Variants in TJP2 observed in about 807,000 individuals in gnomAD.
TJP2 encodes Friedreich ataxia region gene X104 (tight junction protein ZO-2).
TJP2 carries 91 observed loss-of-function variants against 133.1 expected under a neutral mutation model. The observed-to-expected ratio is 0.68, with a 90% CI of 0.58 to 0.81. TJP2 has a LOEUF of 0.81. Ranked by LOEUF, TJP2 falls within the 40% of genes least tolerant of loss-of-function variation. The probability of loss-of-function intolerance (pLI) is 0.00; values close to 1 mark genes in which losing one functional copy is unlikely to be tolerated. For synonymous variants in TJP2, 592 were observed against 583.4 expected, an observed-to-expected ratio of 1.01 and a Z score of -0.21; for missense variants, 1,541 against 1,565.6, an observed-to-expected ratio of 0.98 and a Z score of 0.26.
chr9:69,176,729 A>T (rs1433204863), intron 1 of TJP2, among the ~76,000 whole-genome samples: 1 of 152,228 alleles, frequency 6.6e-6, no homozygotes, highest in Non-Finnish European at 1.5e-5. Flanking sequence ...AAAAGTTCAC[A>T]GCCAACCATT....
Position 69,221,510 on chromosome 9 carries a change from A to C in TJP2, c.952+14A>C. ...GAGCGAACGAAGGTAGGCATGCTTG[A>C]TGTGGGAAGAAAAGCACTGTTGTGA... is the stretch of plus-strand genomic sequence containing the variant. On this transcript the variant is annotated intron_variant, in intron 5 of 22. Coordinates refer to ENST00000377245, the MANE Select transcript of TJP2 (RefSeq NM_004817.4). The C allele has an allele frequency of 2.5e-6, 4 of 1,599,316 alleles. No homozygotes were observed. The highest frequency in any genetic ancestry group is 3.4e-6 in the Non-Finnish European group (4 of 1,172,494).
chr9:69,167,870 A>AG (rs1198036448), intron 2 of TJP2, among the ~76,000 whole-genome samples: 2 of 151,696 alleles, frequency 1.3e-5, no homozygotes, highest in African/African-American at 2.4e-5. Context: ...TCTGTCAAAA[A>AG]AAAAAAAAAA....
In TJP2 at chr9:69,237,022, C is replaced by T. The variant is rs779161706; in HGVS notation, c.2065C>T (p.Arg689Cys). 69 of 1,613,992 alleles carry T rather than the reference C, an allele frequency of 4.3e-5. No individual in the cohort carries two copies. The highest frequency in any genetic ancestry group is 5.2e-5 in the Non-Finnish European group (61 of 1,180,040). ...AGDRADFWRM[R>C]GQRSGVKKNL... is the part of the protein sequence containing the mutation. ...GGACCGGGCAGATTTCTGGAGAATGCGTGGCCAGAGGTCTGGGGTGAAGAA... is the reference window on the plus strand; with the variant it reads ...GGACCGGGCAGATTTCTGGAGAATGTGTGGCCAGAGGTCTGGGGTGAAGAA... The change falls in exon 14 of 23, where the codon CGT becomes TGT. Residue 689 changes from arginine to cysteine, a missense_variant. Coordinates refer to ENST00000377245, the MANE Select transcript of TJP2 (RefSeq NM_004817.4).
chr9:69,158,513 T>C (rs1823892583), intron 2 of TJP2, among the ~76,000 whole-genome samples: 1 of 152,108 alleles, frequency 6.6e-6, no homozygotes, highest in East Asian at 1.9e-4. Flanking sequence ...TCAGGTGTCC[T>C]ATGGGCTGCG....
chr9:69,167,415 C>T (rs1223956200), intron 2 of TJP2, among the ~76,000 whole-genome samples: 1 of 152,136 alleles, frequency 6.6e-6, no homozygotes, highest in Non-Finnish European at 1.5e-5. Context: ...TCTTGGTGCT[C>T]TTCTGAACTC....
intron 1 of TJP2, among the ~76,000 whole-genome samples, chr9:69,130,794 TAAGG>T (rs1007026085): frequency 6.6e-6 from 1 of 151,912 alleles, no homozygotes; most frequent in Non-Finnish European, 1.5e-5. Flanking sequence ...AGCTGAGAGA[TAAGG>T]AAGAAATGGA....
intron 17 of TJP2, among the ~76,000 whole-genome samples, chr9:69,242,611 T>C (rs914884338): frequency 6.6e-6 from 1 of 152,220 alleles, no homozygotes; most frequent in African/African-American, 2.4e-5. Context: ...GGATAGATGG[T>C]GCAGGGTGTG....
In TJP2 at chr9:69,129,939, C is replaced by T. The variant is rs1477383407; in HGVS notation, c.-131+8214C>T. Among the ~76,000 whole-genome samples, 5 of 149,142 alleles carry T rather than the reference C, an allele frequency of 3.4e-5. 1 individual carries two copies. The highest frequency in any genetic ancestry group is 4.9e-5 in the African/African-American group (2 of 40,428). On this transcript the variant is annotated intron_variant, in intron 1 of 5. Transcript: ENST00000423935. ...CTGAGGCAAGAAAATCGCCTGAACC[C>T]GGGAGGCGGAGGTTGCAGTGAGCCA... is the stretch of plus-strand genomic sequence containing the variant.
At chr9:69,202,183 C>T (rs1397660919) in intron 1 of TJP2, among the ~76,000 whole-genome samples, 4 of 152,178 alleles carry the variant, frequency 2.6e-5, no homozygotes, top group Non-Finnish European at 5.9e-5. Context: ...GAGGGCAGCT[C>T]TCTCCTTCCA....
chr9:69,221,199 C>A lies in TJP2; in HGVS notation c.655C>A (p.Arg219=), dbSNP rs750631073. ...HARTRDRSRG[R]SLERGLDHDF... ...GCGCACCCGAGACCGCAGCCGTGGC[C>A]GGAGCCTGGAGCGGGGCCTGGACCA... Residue 219 remains arginine, a synonymous_variant, in exon 5 of 23, where the codon CGG becomes AGG. Coordinates refer to ENST00000377245, the MANE Select transcript of TJP2 (RefSeq NM_004817.4). 3 of 1,602,820 alleles carry A rather than the reference C, an allele frequency of 1.9e-6. No individual in the cohort carries two copies. Among genetic ancestry groups the A allele is most frequent in the Non-Finnish European group, 1.7e-6 (2 of 1,174,866 alleles).
intron 1 of TJP2, among the ~76,000 whole-genome samples, chr9:69,133,847 A>G (rs1472001055): frequency 1.3e-5 from 2 of 152,078 alleles, no homozygotes; most frequent in East Asian, 3.9e-4. Flanking sequence ...CACCATGCCC[A>G]GCCTCATTTT....
chr9:69,253,318 C>G (rs568127072), intron 22 of TJP2: 2 of 198,604 alleles, frequency 1.0e-5, no homozygotes, highest in Admixed American at 1.1e-4. Flanking sequence ...CTAAAGGGAC[C>G]GTGACAAGCA....
intron 1 of TJP2, among the ~76,000 whole-genome samples, chr9:69,198,870 C>A (rs1192792656): frequency 6.6e-6 from 1 of 152,166 alleles, no homozygotes; most frequent in Non-Finnish European, 1.5e-5. Context: ...TTATTGCTAC[C>A]AAGAGGGGTT....
At chr9:69,183,684 G>T (rs1324817825) in intron 1 of TJP2, among the ~76,000 whole-genome samples, 1 of 152,082 alleles carries the variant, frequency 6.6e-6, no homozygotes, top group African/African-American at 2.4e-5. Flanking sequence ...CATTTCTCTT[G>T]TGTGAATTCC....
At chr9:69,186,094 A>T (rs959290118) in intron 1 of TJP2, among the ~76,000 whole-genome samples, 3 of 152,254 alleles carry the variant, frequency 2.0e-5, no homozygotes, top group Non-Finnish European at 4.4e-5. Context: ...GACATTTAAA[A>T]ATCTTGAACC....
chr9:69,196,927 A>ATG (rs150452125), intron 1 of TJP2, among the ~76,000 whole-genome samples: 171 of 144,136 alleles, frequency 1.2e-3, no homozygotes, highest in African/African-American at 3.6e-3. Flanking sequence ...TTATATATAT[A>ATG]TGTGTGTGTG....
In TJP2 at chr9:69,230,228, T is replaced by A; in HGVS notation, c.1667T>A (p.Leu556Gln). 1.9e-6 allele frequency: 3 copies of A among 1,614,176 alleles called. No individual in the cohort carries two copies. Among genetic ancestry groups the A allele is most frequent in the Non-Finnish European group, 2.5e-6 (3 of 1,180,012 alleles). Residue 556 changes from leucine (L) to glutamine (Q), a missense_variant, in exon 11 of 23, where the codon CTG (leucine) becomes CAG (glutamine). Coordinates refer to ENST00000377245, the MANE Select transcript of TJP2 (RefSeq NM_004817.4). ...QEGLQEGDQI[L>Q]KVNTQDFRGL... ...GGCCTTCAAGAAGGAGACCAGATTC[T>A]GAAGGTAAGAACAGCCCAGCTCTGT...
chr9:69,193,526 A>C (rs1588020123), intron 1 of TJP2, among the ~76,000 whole-genome samples: 1 of 148,432 alleles, frequency 6.7e-6, no homozygotes, highest in Non-Finnish European at 1.5e-5. Flanking sequence ...AAAAAAAAAA[A>C]CGTCAGCCCA....
chr9:69,223,376 C>T (rs532110288), intron 5 of TJP2, among the ~76,000 whole-genome samples: 13 of 152,148 alleles, frequency 8.5e-5, no homozygotes, highest in African/African-American at 2.9e-4. Context: ...GGCGCGATCT[C>T]GGCTCACTGC....
Sources: allele counts gnomAD v4.1 joint callset (sites outside exome capture counted in the v4.1 genomes callset), GRCh38; gene constraint gnomAD v4.1.1; transcripts MANE v1.5; gene names NCBI Gene and HGNC (gene_info 2026-07-23, HGNC 2026-07-21).